ARNT2: variants seen among roughly 807,000 people sequenced by gnomAD.
ARNT2 encodes aryl hydrocarbon receptor nuclear translocator 2.
A neutral mutation model predicts 91.7 loss-of-function variants in ARNT2; 36 were observed. The ratio of observed to expected loss-of-function variants is 0.39; its 90% CI spans 0.30 to 0.52. ARNT2 has a LOEUF of 0.52. ARNT2 is among the 20% of genes least tolerant of loss of function. ARNT2 has a pLI of 0.72. For synonymous variants in ARNT2, 365 were observed against 347.1 expected (o/e 1.05, Z -0.57); for missense variants, 775 against 939.3 (o/e 0.83, Z 2.29).
At chr15:80,440,048 C>T (rs1424125185) in intron 1 of ARNT2, among the ~76,000 whole-genome samples, 1 of 152,206 alleles carries the variant, frequency 6.6e-6, no homozygotes, top group Non-Finnish European at 1.5e-5. Flanking sequence ...TCCCTAGACT[C>T]AGGTCTTGGT....
At chr15:80,479,725 C>G (rs1896857816) in intron 5 of ARNT2, among the ~76,000 whole-genome samples, 1 of 152,148 alleles carries the variant, frequency 6.6e-6, no homozygotes, top group South Asian at 2.1e-4. Context: ...GAAGGCTCAG[C>G]AGAAACAGGG....
rs778355805 is a variant in ARNT2, at chr15:80,450,876, C to G, written c.32-4C>G. 1.9e-6 allele frequency: 3 copies of G among 1,613,956 alleles called. No homozygotes were observed. Among genetic ancestry groups the G allele is most frequent in the Non-Finnish European group, 2.5e-6 (3 of 1,179,956 alleles). Reference sequence around the variant, plus strand: ...CAAAACCTCTTGTCTTTGCTGAATTCCAGAAATGGCTTCAGACATACCTGG... The same window carrying G: ...CAAAACCTCTTGTCTTTGCTGAATTGCAGAAATGGCTTCAGACATACCTGG... On this transcript the variant is annotated splice_polypyrimidine_tract_variant and splice_region_variant and intron_variant, in intron 1 of 18. Coordinates refer to ENST00000303329, the MANE Select transcript of ARNT2 (RefSeq NM_014862.4).
intron 3 of ARNT2, among the ~76,000 whole-genome samples, chr15:80,458,976 T>C (rs1896516756): frequency 6.6e-6 from 1 of 152,182 alleles, no homozygotes; most frequent in South Asian, 2.1e-4. Context: ...GCCCCCTGAG[T>C]TACCCTAGTT....
chr15:80,441,960 A>T (rs1048299877), intron 1 of ARNT2, among the ~76,000 whole-genome samples: 3 of 152,174 alleles, frequency 2.0e-5, no homozygotes, highest in African/African-American at 7.2e-5. Flanking sequence ...TCCTGAGGGG[A>T]TATTTGCATT....
In ARNT2 at chr15:80,596,182, G is replaced by A. The variant is rs951236073; in HGVS notation, c.*2484G>A. 3.3e-5 allele frequency: 5 copies of A among 152,244 alleles called. No individual in the cohort carries two copies. The highest frequency in any genetic ancestry group is 7.3e-5 in the Non-Finnish European group (5 of 68,076). 9.4% of individuals were successfully genotyped at this position (152,244 alleles called of 1,614,324 possible). On this transcript the variant is annotated 3_prime_UTR_variant, in exon 19 of 19. Coordinates refer to ENST00000303329, the MANE Select transcript of ARNT2 (RefSeq NM_014862.4). Reference sequence around the variant, plus strand: ...AACGTCTACTTCTCCTACCTCAACAGGGGTCCAGGGTGCAGTGAACTCAGT... The same window carrying A: ...AACGTCTACTTCTCCTACCTCAACAAGGGTCCAGGGTGCAGTGAACTCAGT...
At chr15:80,474,895 G>A in intron 4 of ARNT2, 115 bp from the exon 5 acceptor site, 1 of 1,069,810 alleles carries the variant, frequency 9.3e-7, no homozygotes, top group South Asian at 1.5e-5. Flanking sequence ...CAAACTATTT[G>A]TGTACCAGAA....
intron 14 of ARNT2, among the ~76,000 whole-genome samples, 178 bp from the exon 15 acceptor site, chr15:80,576,688 G>GGC (rs2141477793): frequency 6.6e-6 from 1 of 152,374 alleles, no homozygotes; most frequent in South Asian, 2.1e-4. Context: ...ATGCCAGGGA[G>GGC]GCTCCAGGGG....
At chr15:80,468,703 A>G (rs1345044172) in intron 3 of ARNT2, among the ~76,000 whole-genome samples, 3 of 152,176 alleles carry the variant, frequency 2.0e-5, no homozygotes, top group South Asian at 2.1e-4. Context: ...GCATTTAATC[A>G]TACTCTGCGT....
intron 5 of ARNT2, among the ~76,000 whole-genome samples, chr15:80,489,599 C>T (rs1012094362): frequency 1.3e-5 from 2 of 152,234 alleles, no homozygotes; most frequent in Non-Finnish European, 2.9e-5. Flanking sequence ...TTCTACAGCT[C>T]TCTCCATAAT....
chr15:80,576,229 C>T (rs1436647693), intron 14 of ARNT2, among the ~76,000 whole-genome samples: 1 of 152,262 alleles, frequency 6.6e-6, no homozygotes, highest in East Asian at 1.9e-4. Flanking sequence ...AATCCCTACA[C>T]CGCAGGGTTG....
In ARNT2 at chr15:80,588,166, A is replaced by G. The variant is rs766726540; in HGVS notation, c.1919-3402A>G. 2.0e-5 allele frequency among the ~76,000 whole-genome samples: 3 copies of G among 152,252 alleles called. No individual in the cohort carries two copies. In the South Asian group the frequency reaches 6.2e-4, roughly 32 times the overall value. On this transcript the variant is annotated intron_variant, in intron 17 of 18. Transcript: ENST00000303329. ...GGAACTCAGCCGACCCCAGCCTGTC[A>G]ATACCACCAGAAGTGCAAGTTTATC...
intron 1 of ARNT2, among the ~76,000 whole-genome samples, chr15:80,444,112 T>A (rs1197425062): frequency 6.6e-6 from 1 of 152,148 alleles, no homozygotes; most frequent in African/African-American, 2.4e-5. Context: ...TCACGCCCAT[T>A]TCAAATGAGT....
intron 14 of ARNT2, among the ~76,000 whole-genome samples, chr15:80,575,439 G>A (rs1898657277): frequency 6.6e-6 from 1 of 152,204 alleles, no homozygotes; most frequent in Admixed American, 6.5e-5. Flanking sequence ...AGAGCCCTGG[G>A]CACCCTCGAT....
intron 2 of ARNT2, among the ~76,000 whole-genome samples, chr15:80,454,479 GTAGCCATCTCCCTC>G (rs1276928591): frequency 6.6e-6 from 1 of 152,172 alleles, no homozygotes; most frequent in Admixed American, 6.5e-5. Flanking sequence ...CAAGTTACTT[GTAGCCATCTCCCTC>G]TAAGGTAACC....
At chr15:80,446,563 G>A (rs893060571) in intron 1 of ARNT2, among the ~76,000 whole-genome samples, 2 of 152,216 alleles carry the variant, frequency 1.3e-5, no homozygotes, top group African/African-American at 4.8e-5. Context: ...CAAGGGACAG[G>A]GACCCCACAG....
chr15:80,489,091 T>G (rs747007007), intron 5 of ARNT2, among the ~76,000 whole-genome samples: 3 of 152,262 alleles, frequency 2.0e-5, no homozygotes, highest in Admixed American at 1.3e-4. Context: ...ATGATTTAGA[T>G]TTCAGTAATC....
chr15:80,488,227 C>A (rs1450732012), intron 5 of ARNT2, among the ~76,000 whole-genome samples: 1 of 152,130 alleles, frequency 6.6e-6, no homozygotes, highest in South Asian at 2.1e-4. Flanking sequence ...AGGGAGTAGG[C>A]GGTGAAAGTT....
chr15:80,450,134 T>G (rs925226346), intron 1 of ARNT2, among the ~76,000 whole-genome samples: 5 of 152,316 alleles, frequency 3.3e-5, no homozygotes, highest in African/African-American at 1.2e-4. Flanking sequence ...CTTAACGAGC[T>G]TCCAAAATTA....
intron 8 of ARNT2, among the ~76,000 whole-genome samples, chr15:80,520,322 T>A (rs1213789833): frequency 1.3e-5 from 2 of 152,174 alleles, no homozygotes; most frequent in Non-Finnish European, 2.9e-5. Context: ...GGAAGCAGAA[T>A]GGTATCAGGA....
Sources: allele counts gnomAD v4.1 joint callset (sites outside exome capture counted in the v4.1 genomes callset), GRCh38; gene constraint gnomAD v4.1.1; transcripts MANE v1.5; gene names NCBI Gene and HGNC (gene_info 2026-07-23, HGNC 2026-07-21).